The following INSR variants were observed in gnomAD, a reference collection of about 807,000 sequenced individuals.
The protein encoded by INSR is insulin receptor.
INSR carries 67 observed loss-of-function variants against 142.6 expected under a neutral mutation model. The observed-to-expected ratio is 0.47, with a 90% confidence interval of 0.39 to 0.58. The LOEUF is 0.58. INSR is among the 20% of genes least tolerant of loss of function. The pLI is 0.00. For missense variants in INSR, 1,248 were observed against 1,833.2 expected (o/e 0.68, Z 5.83); for synonymous variants, 756 against 743.1 (o/e 1.02, Z -0.28).
intron 2 of INSR, among the ~76,000 whole-genome samples, chr19:7,237,257 G>T (rs34520561): frequency 1.3e-5 from 2 of 152,034 alleles, no homozygotes; most frequent in Non-Finnish European, 1.5e-5. Context: ...GGTGGCTCAC[G>T]CCTGTAATCC....
In INSR at chr19:7,267,436, C is replaced by T. The variant is rs947275195; in HGVS notation, c.561G>A (p.Pro187=). ...DDNEECGDIC[P]GTAKGKTNCP... is the part of the protein sequence containing the mutation. ...AGTTGGTCTTGCCCTTCGCGGTACC[C>T]GGACAGATGTCTCCACACTCCTCGT... The change falls in exon 2 of 22, where the codon CCG becomes CCA. Residue 187 remains proline (P), a synonymous_variant. Coordinates refer to ENST00000302850, the MANE Select transcript of INSR (RefSeq NM_000208.4). The surrounding 1 kb of genome is among the most constrained non-coding windows in gnomAD (Gnocchi z 6.3). 6 of 1,613,974 alleles carry T rather than the reference C, an allele frequency of 3.7e-6. No homozygotes were observed. Among genetic ancestry groups the T allele is most frequent in the African/African-American group, 2.7e-5 (2 of 74,872 alleles).
chr19:7,261,139 C>T (rs779872928), intron 2 of INSR, among the ~76,000 whole-genome samples: 3 of 152,086 alleles, frequency 2.0e-5, no homozygotes, highest in Non-Finnish European at 4.4e-5. Flanking sequence ...CTGCCCTCCT[C>T]GGCCTCCCAA....
intron 2 of INSR, among the ~76,000 whole-genome samples, chr19:7,226,095 A>G (rs1234986925): frequency 3.3e-5 from 5 of 152,198 alleles, no homozygotes; most frequent in Non-Finnish European, 7.3e-5. Flanking sequence ...CTGTAACACT[A>G]AAAAAGGAAA....
chr19:7,129,035 G>A, intron 14 of INSR, 81 bp from the exon 15 acceptor site: 1 of 1,081,726 alleles, frequency 9.2e-7, no homozygotes, highest in South Asian at 1.3e-5. Context: ...TCCACTCCTG[G>A]AATGGGTGGG....
intron 9 of INSR, among the ~76,000 whole-genome samples, chr19:7,157,466 T>C (rs997967616): frequency 6.8e-6 from 1 of 146,336 alleles, no homozygotes; most frequent in Non-Finnish European, 1.5e-5. Context: ...TTTTGCTGTG[T>C]TGGCCAGGCT....
intron 2 of INSR, among the ~76,000 whole-genome samples, chr19:7,248,676 G>A (rs974826665): frequency 1.3e-5 from 2 of 150,722 alleles, no homozygotes; most frequent in Non-Finnish European, 1.5e-5. Context: ...GACAACCCAC[G>A]CCATTCGACA....
chr19:7,127,252 C>T (rs1466817740), intron 15 of INSR, among the ~76,000 whole-genome samples: 3 of 152,142 alleles, frequency 2.0e-5, no homozygotes, highest in Non-Finnish European at 4.4e-5. Context: ...AAAAGCCACT[C>T]ACCCAGTACT....
At chr19:7,284,878 T>G (rs375058438) in intron 1 of INSR, among the ~76,000 whole-genome samples, 29 of 152,312 alleles carry the variant, frequency 1.9e-4, no homozygotes, top group African/African-American at 6.3e-4. Context: ...GCATAAGGGC[T>G]GAAGCAAGAA....
intron 13 of INSR, among the ~76,000 whole-genome samples, chr19:7,137,220 G>C (rs1299526878): frequency 1.3e-5 from 2 of 150,762 alleles, no homozygotes; most frequent in African/African-American, 4.9e-5. Flanking sequence ...TGGTGGGAGT[G>C]AATATTATGG....
Position 7,166,025 on chromosome 19 carries a change from C to A in INSR, c.1861+129G>T, listed in dbSNP as rs62124510. 150,389 of 1,031,568 alleles carry A rather than the reference C, an allele frequency of 0.15. 13,369 individuals carry two copies. The highest frequency in any genetic ancestry group is 0.26 in the South Asian group (18,539 of 70,748). The allele number at this position is 1,031,568 out of a possible 1,614,324, so 63.9% of individuals were successfully genotyped here. On this transcript the variant is annotated intron_variant, in intron 8 of 21. Coordinates refer to ENST00000302850, the MANE Select transcript of INSR (RefSeq NM_000208.4). The surrounding 1 kb of genome is among the most constrained non-coding windows in gnomAD (Gnocchi z 4.1). ...CTCTAGCCTGGGTGACAAAGTAAGA[C>A]CCTGTCTAAAAAAAAAAAAAAAGCC... is the stretch of plus-strand genomic sequence containing the variant.
At chr19:7,155,103 GGGT>G (rs1218846585) in intron 9 of INSR, among the ~76,000 whole-genome samples, 1 of 152,040 alleles carries the variant, frequency 6.6e-6, no homozygotes, top group Non-Finnish European at 1.5e-5. Context: ...TTTCATGAAG[GGGT>G]CTCAAAGAAA....
intron 2 of INSR, among the ~76,000 whole-genome samples, chr19:7,202,738 T>A (rs1220320738): frequency 6.6e-6 from 1 of 152,208 alleles, no homozygotes; most frequent in Non-Finnish European, 1.5e-5. Flanking sequence ...TGACCTCAGG[T>A]GATCCGCTCG....
intron 14 of INSR, among the ~76,000 whole-genome samples, chr19:7,129,326 T>C (rs558425334): frequency 3.4e-4 from 52 of 152,314 alleles, no homozygotes; most frequent in African/African-American, 1.3e-3. Flanking sequence ...TTAATTTTTA[T>C]TTATTTACTT....
chr19:7,219,518 A>AGGGAGGGAGGGAAGGGAGGG (rs1224264275), intron 2 of INSR, among the ~76,000 whole-genome samples: 1 of 127,604 alleles, frequency 7.8e-6, no homozygotes, highest in Non-Finnish European at 1.7e-5. Context: ...GGAACGAAGG[A>AGGGAGGGAGGGAAGGGAGGG]AAGAAGGAAG....
chr19:7,167,574 C>CA (rs34670852), intron 7 of INSR, among the ~76,000 whole-genome samples: 25,096 of 123,214 alleles, frequency 0.2, 2,419 homozygotes, highest in African/African-American at 0.28. Context: ...GACTCTGTCT[C>CA]AAAAAAAAAA....
intron 3 of INSR, among the ~76,000 whole-genome samples, chr19:7,179,278 C>T (rs1974215938): frequency 2.6e-5 from 4 of 152,162 alleles, no homozygotes. Flanking sequence ...GTGGGAATCC[C>T]CCAATTTAGA....
At chr19:7,284,318 C>A (rs1968287822) in intron 1 of INSR, among the ~76,000 whole-genome samples, 2 of 152,222 alleles carry the variant, frequency 1.3e-5, no homozygotes, top group Middle Eastern at 3.4e-3. Context: ...CCTGCCTCAA[C>A]CTCCCAAAGT....
chr19:7,267,387 G>A lies in INSR; in HGVS notation c.610C>T (p.Gln204Ter). 6.2e-7 allele frequency: 1 copy of A among 1,614,196 alleles called. No homozygotes were observed. Residue 204 changes from glutamine to a stop codon, truncating the protein, a stop_gained, in exon 2 of 22, where the codon CAG becomes TAG. Transcript: ENST00000302850. LOFTEE classifies it high-confidence loss of function. The surrounding 1 kb of genome is among the most constrained non-coding windows in gnomAD (Gnocchi z 6.3). The stretch of plus-strand genomic sequence containing the variant: ...TGAGTCCAACATCGTTCGACAAACT[G>A]CCCGTTGATGACGGTGGCGGGGCAG... ...TNCPATVING[Q>*]FVERCWTHSH...
intron 2 of INSR, among the ~76,000 whole-genome samples, chr19:7,236,140 T>G (rs910613135): frequency 8.8e-5 from 13 of 148,252 alleles, no homozygotes; most frequent in Admixed American, 8.1e-4. Context: ...TTTTGTATTT[T>G]GAGTAGAGAC....
Sources: allele counts gnomAD v4.1 joint callset (sites outside exome capture counted in the v4.1 genomes callset), GRCh38; gene constraint gnomAD v4.1.1; non-coding constraint Gnocchi (gnomAD v3.1); transcripts MANE v1.5; gene names NCBI Gene and HGNC (gene_info 2026-07-23, HGNC 2026-07-21).